The following STPG2 variants were observed in gnomAD, a reference collection of about 807,000 sequenced individuals.
STPG2 encodes the protein sperm-tail PG-rich repeat-containing protein 2.
Under a neutral mutation model 54.2 loss-of-function variants are expected in STPG2, and 56 were observed. The ratio of observed to expected loss-of-function variants is 1.03; its 90% CI spans 0.83 to 1.29. The LOEUF (loss-of-function observed/expected upper bound fraction) is 1.29. Among genes scored for constraint, STPG2 ranks in the 50% most tolerant of loss-of-function variants. The pLI is 0.00. For missense variants in STPG2, 596 were observed against 544.9 expected, an observed-to-expected ratio of 1.09 and a Z score of -0.93; for synonymous variants, 200 against 181.8, an observed-to-expected ratio of 1.10 and a Z score of -0.81.
At chr4:97,873,931 C>A (rs1730082358) in intron 8 of STPG2, among the ~76,000 whole-genome samples, 1 of 151,162 alleles carries the variant, frequency 6.6e-6, no homozygotes, top group Non-Finnish European at 1.5e-5. Flanking sequence ...CTGAAGCTGG[C>A]CAAGAAAATT....
chr4:97,739,235 G>C (rs1725131740), intron 9 of STPG2, among the ~76,000 whole-genome samples: 1 of 152,074 alleles, frequency 6.6e-6, no homozygotes, highest in South Asian at 2.1e-4. Flanking sequence ...GAAATTTATA[G>C]TACTAAATGC....
At chr4:97,868,276 G>A (rs1251280460) in intron 8 of STPG2, among the ~76,000 whole-genome samples, 1 of 151,738 alleles carries the variant, frequency 6.6e-6, no homozygotes, top group Admixed American at 6.6e-5. Context: ...AATTCATGGT[G>A]GATTATTTCC....
intron 5 of STPG2, among the ~76,000 whole-genome samples, chr4:98,080,535 A>G (rs11731478): frequency 0.4 from 60,178 of 152,096 alleles, 12,148 homozygotes; most frequent in Middle Eastern, 0.46. Flanking sequence ...TAACAGTCAC[A>G]ATTCATGTGA....
chr4:97,886,743 T>A (rs1317443312), intron 8 of STPG2, among the ~76,000 whole-genome samples: 2 of 152,192 alleles, frequency 1.3e-5, no homozygotes, highest in East Asian at 3.8e-4. Flanking sequence ...ATGGTTTGGA[T>A]CTGTGTCACT....
intron 10 of STPG2, among the ~76,000 whole-genome samples, chr4:97,648,300 T>A (rs1422907165): frequency 6.6e-6 from 1 of 152,190 alleles, no homozygotes; most frequent in Non-Finnish European, 1.5e-5. Context: ...GGGCTAGTAA[T>A]CTGCTGCAAT....
chr4:97,483,151 G>T (rs972078309), intron 4 of STPG2, among the ~76,000 whole-genome samples: 1 of 151,178 alleles, frequency 6.6e-6, no homozygotes, highest in African/African-American at 2.4e-5. Context: ...AATACAATTT[G>T]AAAAGCAAAA....
chr4:98,047,665 T>A (rs1737178425), intron 5 of STPG2, among the ~76,000 whole-genome samples: 1 of 152,146 alleles, frequency 6.6e-6, no homozygotes, highest in Admixed American at 6.5e-5. Flanking sequence ...GTTGGAGCAC[T>A]CAATACGTGA....
At chr4:98,025,992 T>A in intron 5 of STPG2, 1 of 1,029,768 alleles carries the variant, frequency 9.7e-7, no homozygotes, top group Non-Finnish European at 1.5e-6. Flanking sequence ...TGGGCCAGAA[T>A]GTTGCAGAAT....
At chr4:97,707,572 A>G (rs963411131) in intron 10 of STPG2, among the ~76,000 whole-genome samples, 24 of 152,046 alleles carry the variant, frequency 1.6e-4, no homozygotes, top group African/African-American at 5.8e-4. Flanking sequence ...GGAGGGGGGA[A>G]GTACTAGAGA....
chr4:97,929,902 G>T (rs562641401), intron 8 of STPG2, among the ~76,000 whole-genome samples: 5 of 151,666 alleles, frequency 3.3e-5, no homozygotes, highest in African/African-American at 1.2e-4. Flanking sequence ...CAGTTTTTTT[G>T]TTTGTTTGTT....
intron 10 of STPG2, among the ~76,000 whole-genome samples, chr4:97,574,369 T>C (rs1732669604): frequency 6.6e-6 from 1 of 151,960 alleles, no homozygotes; most frequent in Non-Finnish European, 1.5e-5. Flanking sequence ...ATAAGTTTTA[T>C]GTGACACAGG....
chr4:97,455,227 T>C (rs1466213595), intron 4 of STPG2, among the ~76,000 whole-genome samples: 1 of 152,072 alleles, frequency 6.6e-6, no homozygotes, highest in Non-Finnish European at 1.5e-5. Context: ...GGCAGGGAAG[T>C]GCTGGGAAGA....
At chr4:97,537,910 C>T (rs367550576) in intron 4 of STPG2, among the ~76,000 whole-genome samples, 32 of 152,270 alleles carry the variant, frequency 2.1e-4, no homozygotes, top group African/African-American at 4.3e-4. Flanking sequence ...CTGCAGCCTC[C>T]GCTGCTGATA....
chr4:97,921,619 A>G (rs910865047), intron 8 of STPG2, among the ~76,000 whole-genome samples: 3 of 152,020 alleles, frequency 2.0e-5, no homozygotes, highest in Non-Finnish European at 4.4e-5. Context: ...AAAGCAAAAA[A>G]CCTACAAGAC....
At chr4:98,080,766 C>T (rs547419701) in intron 5 of STPG2, among the ~76,000 whole-genome samples, 2 of 152,326 alleles carry the variant, frequency 1.3e-5, no homozygotes, top group East Asian at 3.9e-4. Flanking sequence ...TCAAAACATG[C>T]AACCAGCAGT....
intron 8 of STPG2, among the ~76,000 whole-genome samples, chr4:97,899,166 T>A (rs1426516467): frequency 6.6e-6 from 1 of 151,888 alleles, no homozygotes; most frequent in Non-Finnish European, 1.5e-5. Flanking sequence ...CTACCTTACC[T>A]ATACACCAAC....
chr4:97,603,610 T>C (rs77184832), intron 10 of STPG2, among the ~76,000 whole-genome samples: 2,600 of 150,790 alleles, frequency 0.017, 64 homozygotes, highest in African/African-American at 0.059. Flanking sequence ...TCTATATATA[T>C]ACACACACAT....
intron 10 of STPG2, among the ~76,000 whole-genome samples, chr4:97,698,872 A>G (rs1272723780): frequency 6.6e-6 from 1 of 152,192 alleles, no homozygotes; most frequent in Non-Finnish European, 1.5e-5. Flanking sequence ...ACATGAGCCC[A>G]CTGCCACACT....
intron 5 of STPG2, among the ~76,000 whole-genome samples, chr4:98,015,889 G>A (rs925080809): frequency 6.6e-6 from 1 of 152,120 alleles, no homozygotes; most frequent in African/African-American, 2.4e-5. Context: ...AAAGAAGGAT[G>A]AGTTCATGTC....
Sources: allele counts gnomAD v4.1 joint callset (sites outside exome capture counted in the v4.1 genomes callset), GRCh38; gene constraint gnomAD v4.1.1; transcripts MANE v1.5; gene names NCBI Gene and HGNC (gene_info 2026-07-23, HGNC 2026-07-21).